NIBAN1: variants seen among roughly 807,000 people sequenced by gnomAD.
The protein encoded by NIBAN1 is niban apoptosis regulator 1.
Under a neutral mutation model 75.1 loss-of-function variants are expected in NIBAN1, and 81 were observed. That is an observed-to-expected ratio of 1.08 (90% CI 0.90 to 1.30). The LOEUF (loss-of-function observed/expected upper bound fraction) is 1.30, where lower values mean the gene tolerates loss of function less well. NIBAN1 is among the 50% of genes most tolerant of loss of function. The pLI, the probability that NIBAN1 is intolerant of heterozygous loss-of-function variation, is 0.00. For missense variants in NIBAN1, 1,133 were observed against 1,128.1 expected (o/e 1.00, Z -0.06); for synonymous variants, 436 against 424.8 (o/e 1.03, Z -0.32).
At position 184,793,639 on chromosome 1, in the gene NIBAN1, C is replaced by G. The variant is rs1653754867; in HGVS notation, c.*1338G>C. The stretch of plus-strand genomic sequence containing the variant: ...GGGACTGGAGATTTTAGGAAATGAT[C>G]TGGTATTTTTCTGAAGGAGAAAAGA... On this transcript the variant is annotated 3_prime_UTR_variant, in exon 14 of 14. Coordinates refer to ENST00000367511, the MANE Select transcript of NIBAN1 (RefSeq NM_052966.4). 2 of 152,048 alleles carry G rather than the reference C, an allele frequency of 1.3e-5. No individual in the cohort carries two copies. The highest frequency in any genetic ancestry group is 1.3e-4 in the Admixed American group (2 of 15,256). 9.4% of individuals were successfully genotyped at this position (152,048 alleles called of 1,614,324 possible). A position where few individuals can be genotyped will look rare whatever the true frequency, so the allele number is the denominator to read the frequency against.
intron 12 of NIBAN1, among the ~76,000 whole-genome samples, chr1:184,799,312 G>A (rs1428755528): frequency 1.3e-5 from 2 of 149,746 alleles, no homozygotes; most frequent in East Asian, 2.0e-4. Context: ...TTGTTCTTGC[G>A]ATAGTTTACT....
At chr1:184,804,622 T>G (rs187324556) in intron 11 of NIBAN1, among the ~76,000 whole-genome samples, 1 of 152,284 alleles carries the variant, frequency 6.6e-6, no homozygotes, top group African/African-American at 2.4e-5. Flanking sequence ...AAAATCTCTT[T>G]GAAACCTGAG....
intron 5 of NIBAN1, among the ~76,000 whole-genome samples, chr1:184,865,280 T>TA (rs1655925221): frequency 6.6e-6 from 1 of 151,996 alleles, no homozygotes; most frequent in Non-Finnish European, 1.5e-5. Flanking sequence ...ACACAGCTAT[T>TA]AAAAAAAGAA....
intron 12 of NIBAN1, among the ~76,000 whole-genome samples, chr1:184,799,451 A>G (rs1244349265): frequency 6.7e-6 from 1 of 150,110 alleles, no homozygotes; most frequent in African/African-American, 2.4e-5. Flanking sequence ...ATTGTTGGAC[A>G]TTTGGGTTGG....
intron 5 of NIBAN1, among the ~76,000 whole-genome samples, chr1:184,883,534 T>A (rs1013224920): frequency 1.3e-5 from 2 of 152,230 alleles, no homozygotes; most frequent in African/African-American, 4.8e-5. Context: ...AAAACCAGCA[T>A]TCACCTCAGT....
intron 1 of NIBAN1, among the ~76,000 whole-genome samples, chr1:184,904,348 A>G (rs1246975957): frequency 1.3e-5 from 2 of 152,130 alleles, no homozygotes; most frequent in East Asian, 3.9e-4. Context: ...TTCTTTATAA[A>G]TTACCCAGCC....
intron 4 of NIBAN1, among the ~76,000 whole-genome samples, chr1:184,886,067 A>C (rs1196284028): frequency 6.6e-6 from 1 of 152,078 alleles, no homozygotes; most frequent in African/African-American, 2.4e-5. Flanking sequence ...TTGTTCCTAC[A>C]GTCCATAGAA....
At chr1:184,855,589 C>T (rs1417182343) in intron 5 of NIBAN1, among the ~76,000 whole-genome samples, 1 of 152,178 alleles carries the variant, frequency 6.6e-6, no homozygotes, top group Admixed American at 6.5e-5. Flanking sequence ...TCTCCCCCTT[C>T]AACCCCAGCA....
intron 12 of NIBAN1, 84 bp downstream of exon 12, chr1:184,803,501 G>T: frequency 9.6e-7 from 1 of 1,044,506 alleles, no homozygotes; most frequent in Non-Finnish European, 1.5e-6. Context: ...CTAGTCTGCT[G>T]TTTGCCAGTA....
At chr1:184,970,158 A>G (rs1465877635) in intron 1 of NIBAN1, among the ~76,000 whole-genome samples, 1 of 141,686 alleles carries the variant, frequency 7.1e-6, no homozygotes, top group East Asian at 2.0e-4. Flanking sequence ...TGACAGAGTG[A>G]GACCCTGTCT....
chr1:184,880,899 C>T (rs1656359475), intron 5 of NIBAN1, among the ~76,000 whole-genome samples: 1 of 152,160 alleles, frequency 6.6e-6, no homozygotes, highest in African/African-American at 2.4e-5. Flanking sequence ...CAAGGGATTA[C>T]AGTGTGACTC....
At chr1:184,930,723 C>T (rs1360211833) in intron 1 of NIBAN1, among the ~76,000 whole-genome samples, 1 of 152,166 alleles carries the variant, frequency 6.6e-6, no homozygotes, top group African/African-American at 2.4e-5. Context: ...AATCATACAA[C>T]CACCAACTTG....
At chr1:184,877,364 AAAG>A (rs1656259917) in intron 5 of NIBAN1, among the ~76,000 whole-genome samples, 1 of 152,148 alleles carries the variant, frequency 6.6e-6, no homozygotes, top group Non-Finnish European at 1.5e-5. Flanking sequence ...CTCAAAGGAA[AAAG>A]AAGGCTATAG....
intron 5 of NIBAN1, among the ~76,000 whole-genome samples, chr1:184,852,718 G>C (rs1439750118): frequency 6.6e-6 from 1 of 152,162 alleles, no homozygotes; most frequent in African/African-American, 2.4e-5. Context: ...TCAACTTAGG[G>C]ACATAAAGTT....
At chr1:184,806,814 G>A (rs1404747354) in intron 10 of NIBAN1, among the ~76,000 whole-genome samples, 1 of 142,256 alleles carries the variant, frequency 7.0e-6, no homozygotes, top group Non-Finnish European at 1.5e-5. Flanking sequence ...CATCCAGGCT[G>A]GAGTAGTGCA....
At chr1:184,970,706 G>A (rs1402735751) in intron 1 of NIBAN1, among the ~76,000 whole-genome samples, 1 of 152,146 alleles carries the variant, frequency 6.6e-6, no homozygotes, top group Admixed American at 6.5e-5. Context: ...TTTCCTAACT[G>A]GTATTTGCTG....
intron 1 of NIBAN1, among the ~76,000 whole-genome samples, chr1:184,962,005 T>C (rs1658663276): frequency 6.6e-6 from 1 of 152,254 alleles, no homozygotes; most frequent in Non-Finnish European, 1.5e-5. Context: ...CCTATCTTCA[T>C]ACTTCTTTGT....
intron 5 of NIBAN1, chr1:184,868,680 T>C (rs1184236109): frequency 1.3e-5 from 2 of 152,224 alleles, no homozygotes; most frequent in Non-Finnish European, 2.9e-5. Flanking sequence ...TCAAGTTCAG[T>C]AGGAAGTGAG....
intron 6 of NIBAN1, among the ~76,000 whole-genome samples, chr1:184,828,264 T>G (rs75762256): frequency 1.3e-5 from 2 of 152,154 alleles, no homozygotes; most frequent in Non-Finnish European, 2.9e-5. Flanking sequence ...GGCCTTCCAT[T>G]CTTGCTGTGT....
Sources: gnomAD v4.1 joint callset for allele counts (sites outside exome capture counted in the v4.1 genomes callset) on GRCh38, gnomAD v4.1.1 for gene constraint, MANE v1.5 for transcripts, NCBI Gene and HGNC (gene_info 2026-07-23, HGNC 2026-07-21) for gene names.